Variants in XRCC2 observed in about 807,000 individuals in gnomAD.
XRCC2 encodes DNA repair protein XRCC2.
Under a neutral mutation model 27.3 loss-of-function variants are expected in XRCC2, and 24 were observed. The observed-to-expected ratio is 0.88, with a 90% CI of 0.64 to 1.24. XRCC2 has a LOEUF of 1.24. Among genes scored for constraint, XRCC2 ranks in the 50% most tolerant of loss-of-function variants. The pLI is 0.00. For missense variants in XRCC2, 321 were observed against 325.8 expected, an observed-to-expected ratio of 0.99 and a Z score of 0.11; for synonymous variants, 106 against 115.4, an observed-to-expected ratio of 0.92 and a Z score of 0.52.
rs2098027092 is a variant in XRCC2 at position 152,648,668 on chromosome 7, CAAT to C, written c.814_816del (p.Ile272del). On this transcript the variant is annotated inframe_deletion, in exon 3 of 3. Transcript: ENST00000359321. ...CAACAAAATTCAACCCCACTTTCTC[CAAT>C]AATAAAAAAATGTTTTTTTAAACTG... 1 of 1,606,554 alleles carries C rather than the reference CAAT, an allele frequency of 6.2e-7. No homozygotes were observed.
chr7:152,675,542 G>A (rs1259015769), intron 1 of XRCC2, among the ~76,000 whole-genome samples: 4 of 152,142 alleles, frequency 2.6e-5, no homozygotes, highest in African/African-American at 9.7e-5. Context: ...ACTAGGGGGT[G>A]GCGAGGGCCA....
At chr7:152,662,698 A>G (rs3218465) in intron 1 of XRCC2, among the ~76,000 whole-genome samples, 125,433 of 147,086 alleles carry the variant, frequency 0.85, 53,854 homozygotes, top group Non-Finnish European at 0.91. Flanking sequence ...TCAGCCTCCC[A>G]AGTAGCTGGG....
intron 1 of XRCC2, among the ~76,000 whole-genome samples, chr7:152,674,754 T>TATATATTATATATAATATATTTTTAAAA (rs2098040051): frequency 9.0e-6 from 1 of 111,050 alleles, no homozygotes; most frequent in African/African-American, 3.8e-5. Context: ...TATTTTTAAA[T>TATATATTATATATAATATATTTTTAAAA]ATATATTATA....
Position 152,649,315 on chromosome 7 carries a change from A to G in XRCC2, c.170T>C (p.Met57Thr). 6.2e-7 allele frequency: 1 copy of G among 1,610,690 alleles called. No homozygotes were observed. The highest frequency in any genetic ancestry group is 8.5e-7 in the Non-Finnish European group (1 of 1,179,124). Residue 57 changes from methionine to threonine, a missense_variant, in exon 3 of 3, where the codon ATG (methionine) becomes ACG (threonine). Physicochemically the swap from Met to Thr is moderately conservative, Grantham distance 81. Transcript: ENST00000359321. ...ACATCGTGCTGTTAGGTGATAAAGC[A>G]TTTCTGTTTTTCCTGTTCCTTCTGG... ...HGPEGTGKTE[M>T]LYHLTARCIL...
At chr7:152,670,688 T>C (rs904190846) in intron 1 of XRCC2, among the ~76,000 whole-genome samples, 2 of 152,046 alleles carry the variant, frequency 1.3e-5, no homozygotes, top group Admixed American at 6.5e-5. Context: ...AACCTCTGTC[T>C]TCCCGGGTTC....
chr7:152,644,900 CA>C lies in XRCC2; in HGVS notation c.*3741del, dbSNP rs1457933511. 1 of 152,198 alleles carries C rather than the reference CA, an allele frequency of 6.6e-6. No homozygotes were observed. 9.4% of individuals were successfully genotyped at this position (152,198 alleles called of 1,614,324 possible). A position where few individuals can be genotyped will look rare whatever the true frequency, so the allele number is the denominator to read the frequency against. On this transcript the variant is annotated 3_prime_UTR_variant, in exon 3 of 3. Coordinates refer to ENST00000359321, the MANE Select transcript of XRCC2 (RefSeq NM_005431.2). ...CACGTGATGTTAACATCGTTCTCAA[CA>C]GTTAGCCGAAGATTCATTCGATGAG...
At chr7:152,655,898 G>A (rs2098030515) in intron 2 of XRCC2, among the ~76,000 whole-genome samples, 1 of 152,060 alleles carries the variant, frequency 6.6e-6, no homozygotes, top group African/African-American at 2.4e-5. Flanking sequence ...TGTAATTCCA[G>A]CTATTTGGGA....
chr7:152,653,711 C>T (rs1450671210), intron 2 of XRCC2, among the ~76,000 whole-genome samples: 1 of 152,130 alleles, frequency 6.6e-6, no homozygotes, highest in Non-Finnish European at 1.5e-5. Context: ...ATCCACCTAC[C>T]TCAGCCTCCC....
chr7:152,650,628 C>T (rs899090544), intron 2 of XRCC2, among the ~76,000 whole-genome samples: 12 of 152,174 alleles, frequency 7.9e-5, no homozygotes, highest in Non-Finnish European at 1.0e-4. Flanking sequence ...CAGTGGCTCA[C>T]GCCTGTAATC....
intron 2 of XRCC2, among the ~76,000 whole-genome samples, chr7:152,657,421 C>T (rs1229412881): frequency 6.6e-6 from 1 of 151,420 alleles, no homozygotes; most frequent in Non-Finnish European, 1.5e-5. Flanking sequence ...TGTCTCAGCC[C>T]CCCGAGTAGC....
intron 1 of XRCC2, among the ~76,000 whole-genome samples, chr7:152,664,872 C>T (rs529374454): frequency 6.6e-6 from 1 of 152,214 alleles, no homozygotes; most frequent in South Asian, 2.1e-4. Flanking sequence ...GCAACAACTT[C>T]CTGATAAGAT....
chr7:152,647,028 G>A lies in XRCC2; in HGVS notation c.*1614C>T, dbSNP rs1426328529. The A allele has an allele frequency of 6.6e-6, 1 of 152,146 alleles. No individual in the cohort carries two copies. The highest frequency in any genetic ancestry group is 1.5e-5 in the Non-Finnish European group (1 of 68,042). 9.4% of individuals were successfully genotyped at this position (152,146 alleles called of 1,614,324 possible). On this transcript the variant is annotated 3_prime_UTR_variant, in exon 3 of 3. Coordinates refer to ENST00000359321, the MANE Select transcript of XRCC2 (RefSeq NM_005431.2). ...TTTAATTTACATTTCCACCAACAGT[G>A]TATAAGCATATCTTTTTCTCCACAA...
chr7:152,673,769 G>A (rs1028794383), intron 1 of XRCC2, among the ~76,000 whole-genome samples: 6 of 152,104 alleles, frequency 3.9e-5, no homozygotes, highest in African/African-American at 1.2e-4. Context: ...CCAGCTACTC[G>A]GGAGGCTGAG....
intron 1 of XRCC2, 25 bp from the exon 2 acceptor site, chr7:152,660,807 A>G: frequency 6.4e-7 from 1 of 1,552,526 alleles, no homozygotes; most frequent in Non-Finnish European, 8.8e-7. Context: ...GAGAAGGAAA[A>G]CTCATTATTT....
chr7:152,657,885 GAGAA>G (rs1379179109), intron 2 of XRCC2, among the ~76,000 whole-genome samples: 11 of 150,200 alleles, frequency 7.3e-5, no homozygotes, highest in African/African-American at 2.2e-4. Context: ...AACAGTAAAG[GAGAA>G]AGAAACAGAA....
At chr7:152,660,819 A>T in intron 1 of XRCC2, 37 bp from the exon 2 acceptor site, 1 of 1,516,540 alleles carries the variant, frequency 6.6e-7, no homozygotes, top group Non-Finnish European at 9.0e-7. Flanking sequence ...TCATTATTTA[A>T]AAATATAAAA....
intron 1 of XRCC2, among the ~76,000 whole-genome samples, chr7:152,665,672 GGGT>G (rs2098035318): frequency 6.6e-6 from 1 of 151,728 alleles, no homozygotes; most frequent in Non-Finnish European, 1.5e-5. Context: ...TTAGGAGACA[GGGT>G]CTCACTATGT....
At chr7:152,666,223 T>G (rs984552847) in intron 1 of XRCC2, among the ~76,000 whole-genome samples, 8 of 152,152 alleles carry the variant, frequency 5.3e-5, no homozygotes, top group Admixed American at 6.6e-5. Context: ...AATAATTTTT[T>G]TTTTGAGACA....
intron 2 of XRCC2, among the ~76,000 whole-genome samples, chr7:152,657,704 T>G (rs546022097): frequency 1.3e-5 from 2 of 152,298 alleles, no homozygotes; most frequent in East Asian, 1.9e-4. Flanking sequence ...TAAACAAAGC[T>G]TTTTACAAAA....
Sources: gnomAD v4.1 joint callset for allele counts (sites outside exome capture counted in the v4.1 genomes callset) on GRCh38, gnomAD v4.1.1 for gene constraint, MANE v1.5 for transcripts, NCBI Gene and HGNC (gene_info 2026-07-23, HGNC 2026-07-21) for gene names.